BIRC6: variants seen among roughly 807,000 people sequenced by gnomAD.
BIRC6 encodes baculoviral IAP repeat containing 6, also known as dual E2 ubiquitin-conjugating enzyme/E3 ubiquitin-protein ligase BIRC6.
Under a neutral mutation model 503.3 loss-of-function variants are expected in BIRC6, and 98 were observed. That is an observed-to-expected ratio of 0.19 (90% CI 0.17 to 0.23). BIRC6 has a LOEUF of 0.23. Ranked by LOEUF, BIRC6 falls within the 10% of genes least tolerant of loss-of-function variation. The pLI is 1.00. For synonymous variants in BIRC6, 2,240 were observed against 2,078.7 expected (o/e 1.08, Z -2.11); for missense variants, 5,360 against 5,806.0 (o/e 0.92, Z 2.50).
chr2:32,379,096 C>T (rs1280197982), intron 2 of BIRC6: 7 of 152,028 alleles, frequency 4.6e-5, no homozygotes, highest in Non-Finnish European at 1.0e-4. Context: ...TGTCATATAA[C>T]AGTAGTCTAT....
intron 1 of BIRC6, among the ~76,000 whole-genome samples, chr2:32,373,377 C>T (rs1217875355): frequency 1.3e-5 from 2 of 152,068 alleles, no homozygotes; most frequent in African/African-American, 2.4e-5. Context: ...AAAGTACCAG[C>T]ATAAAGATGG....
At chr2:32,495,206 A>G (rs2052296484) in intron 45 of BIRC6, among the ~76,000 whole-genome samples, 2 of 152,214 alleles carry the variant, frequency 1.3e-5, no homozygotes, top group Admixed American at 6.5e-5. Context: ...AACATTTTCT[A>G]AAGGATTATT....
chr2:32,467,900 C>G lies in BIRC6; in HGVS notation c.5572-3C>G. 6.2e-7 allele frequency: 1 copy of G among 1,608,058 alleles called. No homozygotes were observed. Among genetic ancestry groups the G allele is most frequent in the East Asian group, 2.2e-5 (1 of 44,740 alleles). ...TATGTATATTTATAATTTTTCATTT[C>G]AGATCACTGTTATTGGACGTTACGG... On this transcript the variant is annotated splice_region_variant and splice_polypyrimidine_tract_variant and intron_variant, in intron 27 of 73. Coordinates refer to ENST00000421745, the MANE Select transcript of BIRC6 (RefSeq NM_016252.4).
At chr2:32,489,957 T>A in intron 42 of BIRC6, 84 bp from the exon 43 acceptor site, 1 of 949,056 alleles carries the variant, frequency 1.1e-6, no homozygotes, top group Non-Finnish European at 1.7e-6. Flanking sequence ...AATAGTGTCT[T>A]GTTTTTAAAT....
At position 32,415,555 on chromosome 2, in the gene BIRC6, A is replaced by G. The variant is rs1485984715; in HGVS notation, c.2264A>G (p.Glu755Gly). 1 of 1,613,884 alleles carries G rather than the reference A, an allele frequency of 6.2e-7. No homozygotes were observed. Among genetic ancestry groups the G allele is most frequent in the Non-Finnish European group, 8.5e-7 (1 of 1,179,888 alleles). Residue 755 changes from glutamate (E) to glycine (G), a missense_variant, in exon 10 of 74, where the codon GAA (glutamate) becomes GGA (glycine). Physicochemically the swap from Glu to Gly is moderately conservative, Grantham distance 98. Coordinates refer to ENST00000421745, the MANE Select transcript of BIRC6 (RefSeq NM_016252.4). ...GTAGGACTGCGGACATGCCCTGTTGAATCCTTGAGTGCAATAAATCAAGTA... is the reference window on the plus strand; with the variant it reads ...GTAGGACTGCGGACATGCCCTGTTGGATCCTTGAGTGCAATAAATCAAGTA... ...LLVGLRTCPV[E>G]SLSAINQVEA...
chr2:32,472,778 A>G (rs1572468721), intron 32 of BIRC6, among the ~76,000 whole-genome samples: 1 of 152,160 alleles, frequency 6.6e-6, no homozygotes, highest in Non-Finnish European at 1.5e-5. Context: ...GAAATAGGCA[A>G]TAGTAGTATT....
In BIRC6 at chr2:32,469,576, G is replaced by A. The variant is rs1341699976; in HGVS notation, c.6309G>A (p.Leu2103=). Reference sequence around the variant, plus strand: ...TTCTTTCTAATGTCCTTCAGGAATTGTACAATTCGGAACAGCTTCTCATCT... The same window carrying A: ...TTCTTTCTAATGTCCTTCAGGAATTATACAATTCGGAACAGCTTCTCATCT... ...GQFLSNVLQE[L]YNSEQLLIFP... Residue 2103 remains leucine (L), a synonymous_variant, in exon 30 of 74, where the codon TTG becomes TTA. Coordinates refer to ENST00000421745, the MANE Select transcript of BIRC6 (RefSeq NM_016252.4). 4 of 1,613,724 alleles carry A rather than the reference G, an allele frequency of 2.5e-6. No homozygotes were observed. The African/African-American group carries it at 4.0e-5, about 16-fold the overall frequency.
chr2:32,410,314 C>G (rs2041721763), intron 9 of BIRC6, among the ~76,000 whole-genome samples: 1 of 151,946 alleles, frequency 6.6e-6, no homozygotes, highest in Admixed American at 6.6e-5. Context: ...CAAAACAAAA[C>G]AAAAAACAAA....
intron 53 of BIRC6, 120 bp downstream of exon 53, chr2:32,510,754 T>G (rs2054303403): frequency 1.5e-6 from 1 of 674,276 alleles, no homozygotes; most frequent in South Asian, 1.9e-5. Context: ...ATATATTGTA[T>G]GTTTACCATA....
chr2:32,594,846 GTTA>G (rs1247408122), intron 67 of BIRC6, among the ~76,000 whole-genome samples, 185 bp from the exon 68 acceptor site: 1 of 152,060 alleles, frequency 6.6e-6, no homozygotes, highest in Non-Finnish European at 1.5e-5. Flanking sequence ...TTATGTTTAT[GTTA>G]TTGTTATGTT....
In BIRC6 at chr2:32,387,404, A is replaced by G. The variant is rs2038628366; in HGVS notation, c.646-1346A>G. Among the ~76,000 whole-genome samples, 3 of 151,006 alleles carry G rather than the reference A, an allele frequency of 2.0e-5. No individual in the cohort carries two copies. In the South Asian group the frequency reaches 6.2e-4, roughly 31 times the overall value. Reference sequence around the variant, plus strand: ...TAATTTACTAGGCTGCCTTGAGTATACTAGACAAGAGTAGAAACCATTCAT... The same window carrying G: ...TAATTTACTAGGCTGCCTTGAGTATGCTAGACAAGAGTAGAAACCATTCAT... On this transcript the variant is annotated intron_variant, in intron 3 of 73. Transcript: ENST00000421745.
chr2:32,373,137 T>C (rs2036220109), intron 1 of BIRC6, among the ~76,000 whole-genome samples: 1 of 152,222 alleles, frequency 6.6e-6, no homozygotes, highest in African/African-American at 2.4e-5. Flanking sequence ...ATATCTATAC[T>C]GCCCCAAACA....
intron 61 of BIRC6, among the ~76,000 whole-genome samples, chr2:32,534,413 G>C (rs2057035317): frequency 6.7e-6 from 1 of 148,234 alleles, no homozygotes; most frequent in African/African-American, 2.5e-5. Context: ...GATTGCAACA[G>C]TAGTGAACTG....
chr2:32,536,776 C>T (rs545229763), intron 61 of BIRC6, among the ~76,000 whole-genome samples: 1 of 152,230 alleles, frequency 6.6e-6, no homozygotes, highest in South Asian at 2.1e-4. Flanking sequence ...TTAGGATTGA[C>T]TTGGCAATGC....
intron 55 of BIRC6, 142 bp downstream of exon 55, chr2:32,515,912 T>G (rs571749992): frequency 4.0e-6 from 3 of 743,698 alleles, no homozygotes; most frequent in African/African-American, 1.8e-5. Context: ...TGATATCTCC[T>G]TTCTCCCCCT....
chr2:32,406,593 T>C, intron 9 of BIRC6, 36 bp downstream of exon 9: 1 of 1,459,412 alleles, frequency 6.9e-7, no homozygotes, highest in South Asian at 1.2e-5. Flanking sequence ...ATTTAAAAAA[T>C]TCTTTACACA....
chr2:32,424,384 T>G (rs1006848407), intron 10 of BIRC6, among the ~76,000 whole-genome samples: 5 of 152,168 alleles, frequency 3.3e-5, no homozygotes, highest in African/African-American at 9.7e-5. Flanking sequence ...TTGGGTTGTT[T>G]CCACATTTTG....
chr2:32,419,181 G>T (rs2042686671), intron 10 of BIRC6, among the ~76,000 whole-genome samples: 3 of 152,204 alleles, frequency 2.0e-5, no homozygotes, highest in Admixed American at 2.0e-4. Flanking sequence ...AAAAGTTGAT[G>T]CCTTAAAATG....
chr2:32,401,854 A>G (rs1436267483), intron 8 of BIRC6, among the ~76,000 whole-genome samples: 2 of 152,236 alleles, frequency 1.3e-5, no homozygotes, highest in Non-Finnish European at 2.9e-5. Flanking sequence ...ATCTATGTCA[A>G]TTGGAAATAA....
Sources: gnomAD v4.1 joint callset for allele counts (sites outside exome capture counted in the v4.1 genomes callset) on GRCh38, gnomAD v4.1.1 for gene constraint, MANE v1.5 for transcripts, NCBI Gene and HGNC (gene_info 2026-07-23, HGNC 2026-07-21) for gene names.